Variants in SPTBN1 observed in about 807,000 individuals in gnomAD.
SPTBN1 encodes spectrin beta, non-erythrocytic 1.
Under a neutral mutation model 266.4 loss-of-function variants are expected in SPTBN1, and 32 were observed. The ratio of observed to expected loss-of-function variants is 0.12; its 90% confidence interval spans 0.09 to 0.16. The LOEUF is 0.16. SPTBN1 is among the 10% of genes least tolerant of loss of function. SPTBN1 has a pLI of 1.00. For missense variants in SPTBN1, 2,296 were observed against 3,067.1 expected (o/e 0.75, Z 5.94); for synonymous variants, 1,336 against 1,162.2 (o/e 1.15, Z -3.04).
intron 29 of SPTBN1, among the ~76,000 whole-genome samples, chr2:54,657,461 T>G (rs1680752062): frequency 6.6e-6 from 1 of 152,196 alleles, no homozygotes; most frequent in Non-Finnish European, 1.5e-5. Context: ...CTTGAGAACT[T>G]GAAATGTCTC....
chr2:54,506,723 A>G (rs1454552330), intron 1 of SPTBN1, among the ~76,000 whole-genome samples: 1 of 152,208 alleles, frequency 6.6e-6, no homozygotes, highest in Non-Finnish European at 1.5e-5. Flanking sequence ...TTCAGGCAAG[A>G]TAGTCATTTA....
chr2:54,658,927 C>G (rs1558478916), intron 30 of SPTBN1, among the ~76,000 whole-genome samples: 2 of 152,200 alleles, frequency 1.3e-5, no homozygotes, highest in African/African-American at 4.8e-5. Context: ...CTACAAACAA[C>G]TCACAGGAAT....
intron 2 of SPTBN1, among the ~76,000 whole-genome samples, chr2:54,584,522 G>A (rs1345848163): frequency 6.6e-6 from 1 of 152,150 alleles, no homozygotes; most frequent in Non-Finnish European, 1.5e-5. Context: ...TTCAGTAGGT[G>A]AAAGGATTTG....
chr2:54,489,252 T>C (rs1189577638), intron 1 of SPTBN1, among the ~76,000 whole-genome samples: 1 of 150,818 alleles, frequency 6.6e-6, no homozygotes, highest in African/African-American at 2.4e-5. Flanking sequence ...GCCCAGGAAG[T>C]TGAGGCTATA....
At chr2:54,510,265 AT>A (rs1669786877) in intron 1 of SPTBN1, among the ~76,000 whole-genome samples, 1 of 152,104 alleles carries the variant, frequency 6.6e-6, no homozygotes, top group African/African-American at 2.4e-5. Flanking sequence ...TCCTTTTCTA[AT>A]AACTACACCA....
At position 54,614,754 on chromosome 2, in the gene SPTBN1, G is replaced by T. The variant is rs1233471414; in HGVS notation, c.475-1453G>T. ...GGAGGCGGAGATTGCAGTGAGCCGAGATCACACCACCGCACTCCAGCCTGG... is the reference window on the plus strand; with the variant it reads ...GGAGGCGGAGATTGCAGTGAGCCGATATCACACCACCGCACTCCAGCCTGG... On this transcript the variant is annotated intron_variant, in intron 4 of 35. Transcript: ENST00000356805. 2.7e-5 allele frequency among the ~76,000 whole-genome samples: 4 copies of T among 148,758 alleles called. No homozygotes were observed. In the South Asian group the frequency reaches 8.6e-4, roughly 32 times the overall value.
intron 1 of SPTBN1, among the ~76,000 whole-genome samples, chr2:54,468,124 T>C (rs1693731212): frequency 6.6e-6 from 1 of 151,996 alleles, no homozygotes; most frequent in Non-Finnish European, 1.5e-5. Context: ...CTGGCCAACA[T>C]AGTGAAACTT....
Position 54,537,312 on chromosome 2 carries a change from T to A in SPTBN1, c.148+10746T>A, listed in dbSNP as rs375142519. Among the ~76,000 whole-genome samples, 187 of 152,318 alleles carry A rather than the reference T, an allele frequency of 1.2e-3. 4 individuals carry two copies. The South Asian group carries it at 0.034, about 28-fold the overall frequency. ...GACTGAATATCCTTGTTTCCTGTAG[T>A]TCAAATGTCTGTAAGGTTGGGTACA... On this transcript the variant is annotated intron_variant, in intron 2 of 35. Transcript: ENST00000356805.
At chr2:54,475,050 C>T (rs1255718758) in intron 1 of SPTBN1, among the ~76,000 whole-genome samples, 1 of 151,858 alleles carries the variant, frequency 6.6e-6, no homozygotes, top group Non-Finnish European at 1.5e-5. Context: ...TATAAAAATA[C>T]AAAAAATTAG....
intron 17 of SPTBN1, among the ~76,000 whole-genome samples, chr2:54,635,632 G>GT (rs1343682818): frequency 1.3e-5 from 2 of 152,170 alleles, no homozygotes; most frequent in African/African-American, 4.8e-5. Flanking sequence ...TGTTATTTCC[G>GT]TGAGAGGCGA....
At chr2:54,662,077 A>G in intron 32 of SPTBN1, 1 of 985,418 alleles carries the variant, frequency 1.0e-6, no homozygotes, top group South Asian at 4.7e-5. Flanking sequence ...GTCACGTTGC[A>G]TTCATGTTCA....
chr2:54,610,265 C>T (rs920620513), intron 3 of SPTBN1, among the ~76,000 whole-genome samples: 2 of 152,188 alleles, frequency 1.3e-5, no homozygotes, highest in African/African-American at 2.4e-5. Flanking sequence ...TCATGCCATC[C>T]TTTGCTGGTG....
At position 54,628,218 on chromosome 2, in the gene SPTBN1, C is replaced by G; in HGVS notation, c.1766C>G (p.Ala589Gly). Residue 589 changes from alanine to glycine, a missense_variant, in exon 13 of 36, where the codon GCC becomes GGC. Ala to Gly is a moderately conservative substitution (Grantham distance 60). Transcript: ENST00000356805. The surrounding 1 kb of genome is among the most constrained non-coding windows in gnomAD (Gnocchi z 4.3). ...GCAGAGCGGGTGAGAGGTGTCAATG[C>G]CTCCGCCCAGAAGTTCGCAACAGAC... ...IQAERVRGVNASAQKFATDGE... is the reference protein window; with the variant it reads ...IQAERVRGVNGSAQKFATDGE... 1.9e-6 allele frequency: 3 copies of G among 1,613,674 alleles called. No homozygotes were observed. The highest frequency in any genetic ancestry group is 2.5e-6 in the Non-Finnish European group (3 of 1,179,782).
intron 1 of SPTBN1, among the ~76,000 whole-genome samples, chr2:54,506,624 T>G (rs959489090): frequency 9.2e-5 from 7 of 75,700 alleles, no homozygotes; most frequent in Non-Finnish European, 2.6e-4. Flanking sequence ...CATTTGTGTA[T>G]TGTTGTCTGG....
intron 2 of SPTBN1, among the ~76,000 whole-genome samples, chr2:54,555,040 AGTTT>A (rs1290460554): frequency 3.3e-5 from 5 of 151,870 alleles, no homozygotes; most frequent in Admixed American, 2.0e-4. Context: ...TTTATTTTTT[AGTTT>A]GTTTGTTTTG....
rs1483139684 is a variant in SPTBN1 at position 54,614,143 on chromosome 2, C to A, written c.474+1809C>A. ...ATAGGCTGCTGATGTTACCGCGTGG[C>A]CTGCAGTGTTGTTGTCTTAAATGAC... On this transcript the variant is annotated intron_variant, in intron 4 of 35. Transcript: ENST00000356805. Among the ~76,000 whole-genome samples, 6 of 152,156 alleles carry A rather than the reference C, an allele frequency of 3.9e-5. No homozygotes were observed. The East Asian group carries it at 9.6e-4, about 24-fold the overall frequency.
chr2:54,536,829 A>G (rs1671633868), intron 2 of SPTBN1, among the ~76,000 whole-genome samples: 3 of 151,784 alleles, frequency 2.0e-5, no homozygotes, highest in Admixed American at 2.0e-4. Flanking sequence ...TCCAGTAGTT[A>G]AAGACCAGCC....
At chr2:54,490,613 C>G (rs551013162) in intron 1 of SPTBN1, among the ~76,000 whole-genome samples, 9 of 152,122 alleles carry the variant, frequency 5.9e-5, no homozygotes, top group Non-Finnish European at 1.2e-4. Flanking sequence ...CCCTTAGTAG[C>G]GGACATGCTT....
intron 3 of SPTBN1, among the ~76,000 whole-genome samples, chr2:54,608,508 T>A (rs1482673346): frequency 2.0e-5 from 3 of 152,126 alleles, no homozygotes; most frequent in South Asian, 2.1e-4. Flanking sequence ...TTCTTCTACA[T>A]GTGGATGTGT....
Sources: allele counts gnomAD v4.1 joint callset (sites outside exome capture counted in the v4.1 genomes callset), GRCh38; gene constraint gnomAD v4.1.1; non-coding constraint Gnocchi (gnomAD v3.1); transcripts MANE v1.5; gene names NCBI Gene and HGNC (gene_info 2026-07-23, HGNC 2026-07-21).